The following CCDC148 variants were observed in gnomAD, a reference collection of about 807,000 sequenced individuals.
CCDC148 encodes the protein coiled-coil domain containing 148.
CCDC148 carries 89 observed loss-of-function variants against 85.7 expected under a neutral mutation model. The ratio of observed to expected loss-of-function variants is 1.04; its 90% confidence interval spans 0.87 to 1.24. The LOEUF (loss-of-function observed/expected upper bound fraction) is 1.24. Among genes scored for constraint, CCDC148 ranks in the 50% most tolerant of loss-of-function variants. The probability of loss-of-function intolerance (pLI) is 0.00; values close to 1 mark genes in which losing one functional copy is unlikely to be tolerated. For synonymous variants in CCDC148, 230 were observed against 213.9 expected (o/e 1.08, Z -0.66); for missense variants, 692 against 671.7 (o/e 1.03, Z -0.33).
chr2:158,414,655 A>T (rs1284720417), intron 1 of CCDC148, among the ~76,000 whole-genome samples: 1 of 152,236 alleles, frequency 6.6e-6, no homozygotes, highest in Non-Finnish European at 1.5e-5. Context: ...TCCTTCCCAC[A>T]ATCCCAGAAG....
At chr2:158,319,221 C>A (rs1692416482) in intron 7 of CCDC148, among the ~76,000 whole-genome samples, 1 of 152,120 alleles carries the variant, frequency 6.6e-6, no homozygotes, top group African/African-American at 2.4e-5. Flanking sequence ...TGACTTTATT[C>A]AAGATCCACT....
At chr2:158,369,860 G>C (rs1684363874) in intron 1 of CCDC148, among the ~76,000 whole-genome samples, 1 of 151,992 alleles carries the variant, frequency 6.6e-6, no homozygotes, top group African/African-American at 2.4e-5. Flanking sequence ...TACATCGTTT[G>C]TTAAGAGTTT....
At chr2:158,432,264 C>T (rs796301428) in intron 1 of CCDC148, among the ~76,000 whole-genome samples, 9 of 151,248 alleles carry the variant, frequency 6.0e-5, no homozygotes, top group African/African-American at 2.2e-4. Context: ...GGTAGGCTTA[C>T]ATCCAACCAT....
chr2:158,397,444 A>G (rs188384253), intron 1 of CCDC148, among the ~76,000 whole-genome samples: 8 of 152,300 alleles, frequency 5.3e-5, no homozygotes, highest in African/African-American at 1.9e-4. Context: ...CAGAAACCCT[A>G]CAAGCCAGAA....
At chr2:158,443,312 T>C (rs76618954) in intron 1 of CCDC148, among the ~76,000 whole-genome samples, 11,296 of 151,572 alleles carry the variant, frequency 0.075, 564 homozygotes, top group Middle Eastern at 0.11. Flanking sequence ...CTGGGCAATA[T>C]AGTGAGACCT....
chr2:158,173,915 G>T (rs1684443578), intron 13 of CCDC148, among the ~76,000 whole-genome samples: 1 of 151,842 alleles, frequency 6.6e-6, no homozygotes, highest in African/African-American at 2.4e-5. Context: ...CATAGCTAGA[G>T]AGTGAAATGG....
chr2:158,439,590 C>A (rs537069371), intron 1 of CCDC148, among the ~76,000 whole-genome samples: 1 of 151,512 alleles, frequency 6.6e-6, no homozygotes, highest in Non-Finnish European at 1.5e-5. Flanking sequence ...CAAACCTGTA[C>A]GTTGTGCACA....
chr2:158,444,785 GAAAAAAAAAAA>G lies in CCDC148; in HGVS notation c.25+11619_25+11629del, dbSNP rs11433320. 1.6e-4 allele frequency among the ~76,000 whole-genome samples: 11 copies of G among 66,680 alleles called. No individual in the cohort carries two copies. The South Asian group carries it at 4.2e-3, about 25-fold the overall frequency. 43.7% of individuals were successfully genotyped at this position (66,680 alleles called of 152,430 possible). On this transcript the variant is annotated intron_variant, in intron 1 of 13. Transcript: ENST00000283233. ...GGGTGACAGAGCGAGACCCTGTCTT[GAAAAAAAAAAA>G]AAAAAAAAAAAAAAGATTTACAAGA...
At chr2:158,425,166 G>A (rs1307098633) in intron 1 of CCDC148, 5 of 521,204 alleles carry the variant, frequency 9.6e-6, no homozygotes, top group Admixed American at 8.0e-5. Context: ...TAGTGGCTAT[G>A]GCAGATATGA....
intron 1 of CCDC148, among the ~76,000 whole-genome samples, chr2:158,407,877 A>G (rs1686093077): frequency 6.6e-6 from 1 of 152,180 alleles, no homozygotes; most frequent in South Asian, 2.1e-4. Context: ...ATATTGAAGG[A>G]GAGTCAGTTA....
chr2:158,421,475 C>T (rs1400680692), intron 1 of CCDC148, among the ~76,000 whole-genome samples: 3 of 152,180 alleles, frequency 2.0e-5, no homozygotes, highest in Non-Finnish European at 2.9e-5. Flanking sequence ...GAACAACCTA[C>T]TCCTGAATGA....
intron 9 of CCDC148, among the ~76,000 whole-genome samples, chr2:158,308,420 T>C (rs749957601): frequency 2.0e-5 from 3 of 152,252 alleles, no homozygotes; most frequent in Non-Finnish European, 2.9e-5. Flanking sequence ...ATGCAGCTTC[T>C]ATTCCTTTTA....
chr2:158,273,499 C>T (rs1029944476), intron 9 of CCDC148, among the ~76,000 whole-genome samples: 6 of 152,140 alleles, frequency 3.9e-5, no homozygotes, highest in African/African-American at 1.2e-4. Context: ...TGGGCACGTG[C>T]GTCTTTGTTT....
intron 7 of CCDC148, among the ~76,000 whole-genome samples, chr2:158,333,395 T>C (rs1448513551): frequency 1.3e-5 from 2 of 152,322 alleles, no homozygotes; most frequent in South Asian, 4.1e-4. Context: ...TTTGTTATGA[T>C]TTCTGTTCTT....
intron 10 of CCDC148, among the ~76,000 whole-genome samples, chr2:158,245,212 C>A (rs1330256285): frequency 6.6e-6 from 1 of 152,120 alleles, no homozygotes; most frequent in Non-Finnish European, 1.5e-5. Context: ...TAGACTATTT[C>A]TCCTCTTCTT....
intron 1 of CCDC148, among the ~76,000 whole-genome samples, chr2:158,446,460 G>T (rs1408894075): frequency 6.6e-6 from 1 of 150,994 alleles, no homozygotes; most frequent in East Asian, 1.9e-4. Context: ...TCCTCACAAA[G>T]TTTTTTTTTA....
chr2:158,208,519 C>G (rs770694289), intron 11 of CCDC148, among the ~76,000 whole-genome samples: 2 of 152,002 alleles, frequency 1.3e-5, no homozygotes, highest in African/African-American at 2.4e-5. Context: ...CAGGGCCTGT[C>G]GAGGAGCTGT....
At position 158,298,392 on chromosome 2, in the gene CCDC148, T is replaced by C. The variant is rs527778047; in HGVS notation, c.1110+11041A>G. 5.9e-4 allele frequency among the ~76,000 whole-genome samples: 90 copies of C among 152,282 alleles called. 1 individual carries two copies. In the South Asian group the frequency reaches 0.016, roughly 28 times the overall value. On this transcript the variant is annotated intron_variant, in intron 9 of 13. Coordinates refer to ENST00000283233, the MANE Select transcript of CCDC148 (RefSeq NM_138803.4). ...CTTCTTAAAAATATAGGTTGATGTCTTTCACTGGATTTGGTAAGTTCTTAG... is the reference window on the plus strand; with the variant it reads ...CTTCTTAAAAATATAGGTTGATGTCCTTCACTGGATTTGGTAAGTTCTTAG...
At chr2:158,229,856 C>T (rs1297788719) in intron 10 of CCDC148, among the ~76,000 whole-genome samples, 1 of 152,158 alleles carries the variant, frequency 6.6e-6, no homozygotes, top group Non-Finnish European at 1.5e-5. Context: ...TTCTTTAGAA[C>T]CCAAAGATTG....
Sources: allele counts gnomAD v4.1 joint callset (sites outside exome capture counted in the v4.1 genomes callset), GRCh38; gene constraint gnomAD v4.1.1; transcripts MANE v1.5; gene names NCBI Gene and HGNC (gene_info 2026-07-23, HGNC 2026-07-21).